INPP5A: variants seen among roughly 807,000 people sequenced by gnomAD.
The protein encoded by INPP5A is 43 kDa inositol polyphosphate 5-phophatase.
INPP5A carries 14 observed loss-of-function variants against 65.2 expected under a neutral mutation model. The ratio of observed to expected loss-of-function variants is 0.21; its 90% confidence interval spans 0.14 to 0.34. The LOEUF is 0.34. INPP5A is among the 10% of genes least tolerant of loss of function. The pLI is 1.00. For synonymous variants in INPP5A, 207 were observed against 208.3 expected, an observed-to-expected ratio of 0.99 and a Z score of 0.05; for missense variants, 431 against 545.6, an observed-to-expected ratio of 0.79 and a Z score of 2.09.
In INPP5A at chr10:132,572,041, A is replaced by G. The variant is rs745317594; in HGVS notation, c.75+33870A>G. ...TCAGGCCTGCTGAGTAGCATGCAGC[A>G]CAGGACGAGCCTGCAGAGCCCTCTT... On this transcript the variant is annotated intron_variant, in intron 1 of 15. Transcript: ENST00000368594. 6.6e-4 allele frequency among the ~76,000 whole-genome samples: 100 copies of G among 152,326 alleles called. 1 individual carries two copies. Among genetic ancestry groups the G allele is most frequent in the Non-Finnish European group, 9.3e-4 (63 of 68,030 alleles).
At chr10:132,604,413 G>A (rs1011068356) in intron 1 of INPP5A, among the ~76,000 whole-genome samples, 2 of 152,096 alleles carry the variant, frequency 1.3e-5, no homozygotes, top group South Asian at 2.1e-4. Context: ...CTCCTTTCCC[G>A]TGACTGCTAC....
intron 1 of INPP5A, among the ~76,000 whole-genome samples, chr10:132,595,182 G>T (rs759810134): frequency 2.0e-5 from 3 of 152,130 alleles, no homozygotes; most frequent in Admixed American, 6.5e-5. Context: ...TGGAGTCCCC[G>T]CGGACCCTCA....
chr10:132,621,117 T>C (rs2072101866), intron 2 of INPP5A, among the ~76,000 whole-genome samples: 1 of 152,206 alleles, frequency 6.6e-6, no homozygotes, highest in South Asian at 2.1e-4. Context: ...GAAAAGAGCA[T>C]TCTCAGCCTG....
intron 13 of INPP5A, 85 bp downstream of exon 13, chr10:132,777,867 AG>A: frequency 7.1e-6 from 11 of 1,555,910 alleles, no homozygotes; most frequent in Non-Finnish European, 9.6e-6. Flanking sequence ...ACAGGGCCCC[AG>A]GGGTGGGGGC....
At chr10:132,766,076 A>G (rs528625194) in intron 12 of INPP5A, among the ~76,000 whole-genome samples, 4 of 152,054 alleles carry the variant, frequency 2.6e-5, no homozygotes, top group Admixed American at 6.5e-5. Flanking sequence ...GTGTGTGTGC[A>G]CATGTGCACG....
chr10:132,718,306 T>C (rs1044066662), intron 8 of INPP5A, among the ~76,000 whole-genome samples: 4 of 149,056 alleles, frequency 2.7e-5, no homozygotes, highest in Non-Finnish European at 4.4e-5. Context: ...GACAGCTGTC[T>C]TCAGGGTTCT....
chr10:132,606,876 G>A (rs560498927), intron 1 of INPP5A, among the ~76,000 whole-genome samples: 5 of 152,312 alleles, frequency 3.3e-5, no homozygotes, highest in South Asian at 2.1e-4. Context: ...CACCTTAACC[G>A]TTTCCGAGTG....
intron 6 of INPP5A, among the ~76,000 whole-genome samples, chr10:132,703,062 C>A (rs999661986): frequency 6.6e-6 from 1 of 152,144 alleles, no homozygotes; most frequent in Non-Finnish European, 1.5e-5. Context: ...TTGGGTGCCC[C>A]CCACCCTTCG....
intron 1 of INPP5A, among the ~76,000 whole-genome samples, chr10:132,604,558 C>T (rs1013859233): frequency 6.6e-6 from 1 of 152,140 alleles, no homozygotes; most frequent in Non-Finnish European, 1.5e-5. Flanking sequence ...GTGTGTTTGC[C>T]CAGAGCTCAA....
chr10:132,719,885 G>C (rs1242257680), intron 8 of INPP5A, among the ~76,000 whole-genome samples: 1 of 150,614 alleles, frequency 6.6e-6, no homozygotes, highest in African/African-American at 2.5e-5. Flanking sequence ...TTAGACGGCT[G>C]TCTTCAGGGT....
rs1175403775 is a variant in INPP5A at position 132,678,928 on chromosome 10, G to GGC, written c.307-11461_307-11460dup. ...AGCAGAGGTACCCTCCTGACAGAAGGGCGCAGCCTCCTCAGGCCCAGATGG... is the reference window on the plus strand; with the variant it reads ...AGCAGAGGTACCCTCCTGACAGAAGGGCGCGCAGCCTCCTCAGGCCCAGATGG... On this transcript the variant is annotated intron_variant, in intron 4 of 15. Transcript: ENST00000368594. This position sits in a 1 kb window ranked among gnomAD's most constrained non-coding sequence, Gnocchi z 4.1. Among the ~76,000 whole-genome samples the GGC allele has an allele frequency of 1.3e-5, 2 of 152,234 alleles. No homozygotes were observed. The highest frequency in any genetic ancestry group is 2.9e-5 in the Non-Finnish European group (2 of 68,038).
At chr10:132,559,201 C>T (rs1012949897) in intron 1 of INPP5A, among the ~76,000 whole-genome samples, 3 of 152,322 alleles carry the variant, frequency 2.0e-5, no homozygotes, top group Admixed American at 6.5e-5. Context: ...TCGGTGGCTT[C>T]GGAGCTGTGG....
chr10:132,759,908 C>G (rs1049844855), intron 11 of INPP5A, among the ~76,000 whole-genome samples: 2 of 152,124 alleles, frequency 1.3e-5, no homozygotes, highest in Non-Finnish European at 2.9e-5. Flanking sequence ...CTCACTGTGC[C>G]CGGTGCATTC....
At chr10:132,767,502 C>T (rs970240313) in intron 12 of INPP5A, among the ~76,000 whole-genome samples, 2 of 152,190 alleles carry the variant, frequency 1.3e-5, no homozygotes, top group African/African-American at 4.8e-5. Context: ...GTCCTCCTCA[C>T]GAGCTTCTTC....
chr10:132,704,697 G>A lies in INPP5A; in HGVS notation c.475-3616G>A, dbSNP rs1381687735. On this transcript the variant is annotated intron_variant, in intron 6 of 15. Coordinates refer to ENST00000368594, the MANE Select transcript of INPP5A (RefSeq NM_005539.5). This position sits in a 1 kb window ranked among gnomAD's most constrained non-coding sequence, Gnocchi z 4.5. ...GGGCAGTGGCTGTTCCAGGTGGGCC[G>A]TCTCCCCGGAAAGTGCAGGCTGGAT... is the stretch of plus-strand genomic sequence containing the variant. Among the ~76,000 whole-genome samples, 3 of 152,230 alleles carry A rather than the reference G, an allele frequency of 2.0e-5. No individual in the cohort carries two copies. Among genetic ancestry groups the A allele is most frequent in the African/African-American group, 4.8e-5 (2 of 41,458 alleles).
intron 8 of INPP5A, among the ~76,000 whole-genome samples, chr10:132,712,675 T>C (rs1373850137): frequency 6.7e-6 from 1 of 149,940 alleles, no homozygotes; most frequent in African/African-American, 2.5e-5. Flanking sequence ...CATGTGTGGG[T>C]GCATGTGAGT....
intron 8 of INPP5A, 57 bp from the exon 9 acceptor site, chr10:132,726,764 G>A: frequency 3.2e-6 from 4 of 1,234,560 alleles, no homozygotes; most frequent in Middle Eastern, 1.9e-4. Context: ...CCGGGGCCGG[G>A]CATGAGGGCT....
intron 2 of INPP5A, among the ~76,000 whole-genome samples, chr10:132,625,097 T>G (rs1300320512): frequency 4.4e-5 from 2 of 45,944 alleles, no homozygotes; most frequent in Non-Finnish European, 4.2e-5. Context: ...GCCCCGCCCC[T>G]TCCCTCTCTC....
intron 12 of INPP5A, among the ~76,000 whole-genome samples, chr10:132,774,259 AG>A (rs1369932884): frequency 6.6e-6 from 1 of 152,214 alleles, no homozygotes; most frequent in East Asian, 1.9e-4. Flanking sequence ...CTGCACGGGA[AG>A]GCAGAGCTTT....
Sources: allele counts gnomAD v4.1 joint callset (sites outside exome capture counted in the v4.1 genomes callset), GRCh38; gene constraint gnomAD v4.1.1; non-coding constraint Gnocchi (gnomAD v3.1); transcripts MANE v1.5; gene names NCBI Gene and HGNC (gene_info 2026-07-23, HGNC 2026-07-21).